The following SOX11 variants were observed in gnomAD, a reference collection of about 807,000 sequenced individuals.
SOX11 encodes the protein transcription factor SOX-11.
A neutral mutation model predicts 16.7 loss-of-function variants in SOX11; 5 were observed. The ratio of observed to expected loss-of-function variants is 0.30; its 90% CI spans 0.16 to 0.63. The LOEUF (loss-of-function observed/expected upper bound fraction) is 0.63. SOX11 is among the 20% of genes least tolerant of loss of function. The pLI is 0.82. For synonymous variants in SOX11, 363 were observed against 298.8 expected (o/e 1.21, Z -2.22); for missense variants, 492 against 641.5 (o/e 0.77, Z 2.52).
Position 5,694,236 on chromosome 2 carries a change from G to T in SOX11, c.*189G>T. The T allele has an allele frequency of 1.3e-6, 1 of 754,236 alleles. No individual in the cohort carries two copies. Among genetic ancestry groups the T allele is most frequent in the Non-Finnish European group, 2.0e-6 (1 of 501,566 alleles). 46.7% of individuals were successfully genotyped at this position (754,236 alleles called of 1,614,324 possible). A position where few individuals can be genotyped will look rare whatever the true frequency, so the allele number is the denominator to read the frequency against. On this transcript the variant is annotated 3_prime_UTR_variant, in exon 1 of 1. Coordinates refer to ENST00000322002, the MANE Select transcript of SOX11 (RefSeq NM_003108.4). ...TAAGATGTCGTGACGCAAAGAAATT[G>T]GAAAACATGATGAAAATTTTGGTGG...
Position 5,699,094 on chromosome 2 carries a change from T to C in SOX11, c.*5047T>C, listed in dbSNP as rs1328693332. The C allele has an allele frequency of 7.8e-5, 13 of 167,058 alleles. 1 individual carries two copies. In the Admixed American group the frequency reaches 8.5e-4, roughly 11 times the overall value. 10.3% of individuals were successfully genotyped at this position (167,058 alleles called of 1,614,324 possible). A position where few individuals can be genotyped will look rare whatever the true frequency, so the allele number is the denominator to read the frequency against. On this transcript the variant is annotated 3_prime_UTR_variant, in exon 1 of 1. Coordinates refer to ENST00000322002, the MANE Select transcript of SOX11 (RefSeq NM_003108.4). Reference sequence around the variant, plus strand: ...TCCTTGTGGACACTTTGAGAGAGGTTTTCTTGGACTCTCCCATTTATAGAA... The same window carrying C: ...TCCTTGTGGACACTTTGAGAGAGGTCTTCTTGGACTCTCCCATTTATAGAA...
rs1330057524 is a variant in SOX11 at position 5,697,264 on chromosome 2, A to G, written c.*3217A>G. The G allele has an allele frequency of 1.5e-4, 25 of 167,036 alleles. No homozygotes were observed. 10.3% of individuals were successfully genotyped at this position (167,036 alleles called of 1,614,324 possible). A position where few individuals can be genotyped will look rare whatever the true frequency, so the allele number is the denominator to read the frequency against. ...GCTGATTGAAACTCACTGCAAAATC[A>G]CCACGACTCTTTCACCTACTGAGAT... On this transcript the variant is annotated 3_prime_UTR_variant, in exon 1 of 1. Coordinates refer to ENST00000322002, the MANE Select transcript of SOX11 (RefSeq NM_003108.4).
rs977939314 is a variant in SOX11, at chr2:5,693,879, G to A, written c.1158G>A (p.Ala386=). 2.6e-5 allele frequency: 40 copies of A among 1,551,372 alleles called. No homozygotes were observed. The highest frequency in any genetic ancestry group is 2.0e-4 in the Admixed American group (10 of 50,996). The change falls in exon 1 of 1, where the codon GCG becomes GCA. Residue 386 remains alanine, a synonymous_variant. Transcript: ENST00000322002. This position sits in a 1 kb window ranked among gnomAD's most constrained non-coding sequence, Gnocchi z 8.6. ...ASEQQLGGGA[A]AGNLSLSLVD... ...AGCAGCAGCTGGGGGGCGGCGCGGC[G>A]GCCGGGAACCTGTCCCTGTCGCTGG... is the stretch of plus-strand genomic sequence containing the variant.
chr2:5,697,043 C>G lies in SOX11; in HGVS notation c.*2996C>G, dbSNP rs375004348. On this transcript the variant is annotated 3_prime_UTR_variant, in exon 1 of 1. Transcript: ENST00000322002. ...CCTGACCGGCCTGTGTCCCCGAGCC[C>G]TCGCGGCAGGCCCGAGCAGGCGATC... 4.9e-3 allele frequency: 767 copies of G among 157,282 alleles called. 8 individuals carry two copies. The highest frequency in any genetic ancestry group is 0.04 in the South Asian group (190 of 4,810). The allele number at this position is 157,282 out of a possible 1,614,324, so 9.7% of individuals were successfully genotyped here.
At position 5,694,381 on chromosome 2, in the gene SOX11, C is replaced by CAA. The variant is rs151136508; in HGVS notation, c.*339_*340dup. On this transcript the variant is annotated 3_prime_UTR_variant, in exon 1 of 1. Coordinates refer to ENST00000322002, the MANE Select transcript of SOX11 (RefSeq NM_003108.4). ...TAGTCTGGAGTTGTGATTATTTTCC[C>CAA]AAAAAATGTGTTTTTGTAATTACTA... The CAA allele has an allele frequency of 5.2e-5, 10 of 193,318 alleles. No homozygotes were observed. In the East Asian group the frequency reaches 9.2e-4, roughly 18 times the overall value. 12.0% of individuals were successfully genotyped at this position (193,318 alleles called of 1,614,324 possible).
Position 5,693,724 on chromosome 2 carries a change from T to C in SOX11, c.1003T>C (p.Ser335Pro). The C allele has an allele frequency of 6.3e-7, 1 of 1,597,192 alleles. No individual in the cohort carries two copies. Among genetic ancestry groups the C allele is most frequent in the Non-Finnish European group, 8.5e-7 (1 of 1,175,684 alleles). ...CGCGCAGCCCGCGCTGTCGCCCGCG[T>C]CCTCGCGCTCGGTGTCCACCTCCTC... ...PLAQPALSPA[S>P]SRSVSTSSSS... Residue 335 changes from serine (S) to proline (P), a missense_variant, in exon 1 of 1, where the codon TCC (serine) becomes CCC (proline). Transcript: ENST00000322002. This position sits in a 1 kb window ranked among gnomAD's most constrained non-coding sequence, Gnocchi z 8.6.
At position 5,695,609 on chromosome 2, in the gene SOX11, A is replaced by G. The variant is rs1170723576; in HGVS notation, c.*1562A>G. Reference sequence around the variant, plus strand: ...TGTGCTGGAAGTCTGTATCTTGACAATTTTAATAAATCAGCTGGAACTGAT... The same window carrying G: ...TGTGCTGGAAGTCTGTATCTTGACAGTTTTAATAAATCAGCTGGAACTGAT... On this transcript the variant is annotated 3_prime_UTR_variant, in exon 1 of 1. Coordinates refer to ENST00000322002, the MANE Select transcript of SOX11 (RefSeq NM_003108.4). 6.7e-6 allele frequency: 1 copy of G among 150,330 alleles called. No homozygotes were observed. Among genetic ancestry groups the G allele is most frequent in the African/African-American group, 2.8e-5 (1 of 35,540 alleles). The allele number at this position is 150,330 out of a possible 1,614,324, so 9.3% of individuals were successfully genotyped here.
chr2:5,698,400 T>G lies in SOX11; in HGVS notation c.*4353T>G, dbSNP rs1268659616. The G allele has an allele frequency of 6.0e-6, 1 of 167,116 alleles. No individual in the cohort carries two copies. The highest frequency in any genetic ancestry group is 2.4e-5 in the African/African-American group (1 of 41,464). The allele number at this position is 167,116 out of a possible 1,614,324, so 10.4% of individuals were successfully genotyped here. A position where few individuals can be genotyped will look rare whatever the true frequency, so the allele number is the denominator to read the frequency against. On this transcript the variant is annotated 3_prime_UTR_variant, in exon 1 of 1. Coordinates refer to ENST00000322002, the MANE Select transcript of SOX11 (RefSeq NM_003108.4). ...TGCACGGCAGCCTAGCCAGTGGGGA[T>G]CCTGCTGTTTATTATAAGTAGTTCA...
chr2:5,692,750 C>T lies in SOX11; in HGVS notation c.29C>T (p.Ala10Val). 1 of 1,602,656 alleles carries T rather than the reference C, an allele frequency of 6.2e-7. No individual in the cohort carries two copies. The highest frequency in any genetic ancestry group is 8.5e-7 in the Non-Finnish European group (1 of 1,173,078). MVQQAESLEAESNLPREALD... is the reference protein window; with the variant it reads MVQQAESLEVESNLPREALD... Reference sequence around the variant, plus strand: ...GTGCAGCAGGCGGAGAGCTTGGAAGCGGAGAGCAACCTGCCCCGGGAGGCG... The same window carrying T: ...GTGCAGCAGGCGGAGAGCTTGGAAGTGGAGAGCAACCTGCCCCGGGAGGCG... The change falls in exon 1 of 1, where the codon GCG becomes GTG. Residue 10 changes from alanine to valine, a missense_variant. Physicochemically the swap from Ala to Val is moderately conservative, Grantham distance 64 (BLOSUM62 0). Transcript: ENST00000322002.
In SOX11 at chr2:5,692,989, C is replaced by A. The variant is rs770070167; in HGVS notation, c.268C>A (p.Leu90Met). ...SKRLGKRWKM[L>M]KDSEKIPFIR... Reference sequence around the variant, plus strand: ...GAGGCTGGGCAAGCGCTGGAAAATGCTGAAGGACAGCGAGAAGATCCCGTT... The same window carrying A: ...GAGGCTGGGCAAGCGCTGGAAAATGATGAAGGACAGCGAGAAGATCCCGTT... Residue 90 changes from leucine (L) to methionine (M), a missense_variant, in exon 1 of 1, where the codon CTG becomes ATG. Transcript: ENST00000322002. 6.2e-7 allele frequency: 1 copy of A among 1,614,130 alleles called. No individual in the cohort carries two copies.
rs1017699278 is a variant in SOX11 at position 5,692,765 on chromosome 2, C to A, written c.44C>A (p.Pro15His). The change falls in exon 1 of 1, where the codon CCC becomes CAC. Residue 15 changes from proline to histidine, a missense_variant. This residue lies in a region of SOX11 where 44 missense variants were observed against 48.5 expected (regional missense o/e 0.91). Transcript: ENST00000322002. ...AESLEAESNL[P>H]REALDTEEGE... The stretch of plus-strand genomic sequence containing the variant: ...AGCTTGGAAGCGGAGAGCAACCTGC[C>A]CCGGGAGGCGCTGGACACGGAGGAG... The A allele has an allele frequency of 2.5e-6, 4 of 1,609,586 alleles. No homozygotes were observed. Among genetic ancestry groups the A allele is most frequent in the Non-Finnish European group, 3.4e-6 (4 of 1,177,288 alleles).
In SOX11 at chr2:5,695,127, A is replaced by T. The variant is rs1448163960; in HGVS notation, c.*1080A>T. 2 of 166,546 alleles carry T rather than the reference A, an allele frequency of 1.2e-5. No homozygotes were observed. Among genetic ancestry groups the T allele is most frequent in the Non-Finnish European group, 2.9e-5 (2 of 68,034 alleles). 10.3% of individuals were successfully genotyped at this position (166,546 alleles called of 1,614,324 possible). On this transcript the variant is annotated 3_prime_UTR_variant, in exon 1 of 1. Transcript: ENST00000322002. ...TTCCTCTGTTTTTTAGCATGCAAGT[A>T]TGTTGGTACGTTATGTCCTGGTTTA... is the stretch of plus-strand genomic sequence containing the variant.
At position 5,699,709 on chromosome 2, in the gene SOX11, C is replaced by CTT. The variant is rs60344356; in HGVS notation, c.*5679_*5680dup. ...TCTCTTCCATTTTACTTACTGCTGG[C>CTT]TTTTTTTTTTTTTTTTTTCCTTGAT... On this transcript the variant is annotated 3_prime_UTR_variant, in exon 1 of 1. Transcript: ENST00000322002. 34 of 141,750 alleles carry CTT rather than the reference C, an allele frequency of 2.4e-4. No individual in the cohort carries two copies. The highest frequency in any genetic ancestry group is 2.4e-4 in the South Asian group (1 of 4,142). The allele number at this position is 141,750 out of a possible 1,614,324, so 8.8% of individuals were successfully genotyped here.
In SOX11 at chr2:5,694,125, G is replaced by T. The variant is rs1046804445; in HGVS notation, c.*78G>T. The T allele has an allele frequency of 6.8e-6, 10 of 1,464,762 alleles. No individual in the cohort carries two copies. The highest frequency in any genetic ancestry group is 8.2e-6 in the Non-Finnish European group (9 of 1,103,594). 90.7% of individuals were successfully genotyped at this position (1,464,762 alleles called of 1,614,324 possible). A position where few individuals can be genotyped will look rare whatever the true frequency, so the allele number is the denominator to read the frequency against. ...GGGAGGAAGTTGTAGTGGTGATGAT[G>T]ATGATGATAATGATGATGATGATGG... On this transcript the variant is annotated 3_prime_UTR_variant, in exon 1 of 1. Coordinates refer to ENST00000322002, the MANE Select transcript of SOX11 (RefSeq NM_003108.4).
Position 5,692,620 on chromosome 2 carries a change from A to G in SOX11, c.-102A>G. On this transcript the variant is annotated 5_prime_UTR_variant, in exon 1 of 1. Transcript: ENST00000322002. ...GAGCCGCGAAAGCGGGGTGCCGAGG[A>G]CTTTGCAACTTGCCCAGGAAGGTGG... 1.3e-6 allele frequency: 1 copy of G among 789,108 alleles called. No homozygotes were observed. Among genetic ancestry groups the G allele is most frequent in the Non-Finnish European group, 1.9e-6 (1 of 535,696 alleles). The allele number at this position is 789,108 out of a possible 1,614,324, so 48.9% of individuals were successfully genotyped here.
rs964577502 is a variant in SOX11, at chr2:5,698,983, ATATAT to A, written c.*4942_*4946del. The A allele has an allele frequency of 3.6e-5, 6 of 167,018 alleles. No individual in the cohort carries two copies. The highest frequency in any genetic ancestry group is 9.6e-5 in the African/African-American group (4 of 41,460). 10.3% of individuals were successfully genotyped at this position (167,018 alleles called of 1,614,324 possible). On this transcript the variant is annotated 3_prime_UTR_variant, in exon 1 of 1. Transcript: ENST00000322002. ...ATTTTAAAGTAGTCATTCAATATAA[ATATAT>A]TATATCAATCTTAACTTTTTTATTC...
chr2:5,693,687 C>A lies in SOX11; in HGVS notation c.966C>A (p.His322Gln), dbSNP rs1665679190. The change falls in exon 1 of 1, where the codon CAC (histidine) becomes CAA (glutamine). Residue 322 changes from histidine to glutamine, a missense_variant. Physicochemically the swap from His to Gln is conservative, Grantham distance 24. This residue lies in a region of SOX11 where 389 missense variants were observed against 389.0 expected (regional missense o/e 1.00). Transcript: ENST00000322002. This position sits in a 1 kb window ranked among gnomAD's most constrained non-coding sequence, Gnocchi z 8.6. Reference protein sequence around the residue: ...YYSFKNITKQHPPPLAQPALS... With the variant: ...YYSFKNITKQQPPPLAQPALS... ...GCTTCAAGAACATCACCAAGCAGCA[C>A]CCGCCGCCGCTCGCGCAGCCCGCGC... 1.0e-5 allele frequency: 16 copies of A among 1,599,232 alleles called. No individual in the cohort carries two copies. In the East Asian group the frequency reaches 3.6e-4, roughly 36 times the overall value.
Position 5,693,597 on chromosome 2 carries a change from C to T in SOX11, c.876C>T (p.Ser292=). 7 of 1,564,330 alleles carry T rather than the reference C, an allele frequency of 4.5e-6. No homozygotes were observed. The highest frequency in any genetic ancestry group is 6.0e-6 in the Non-Finnish European group (7 of 1,162,582). ...CGGCGGAGTCCCCCGAGGGAGCGAGCCTCTACGACGAGGTGCGGGCCGGCG... is the reference window on the plus strand; with the variant it reads ...CGGCGGAGTCCCCCGAGGGAGCGAGTCTCTACGACGAGGTGCGGGCCGGCG... ...SSSAESPEGA[S]LYDEVRAGAT... is the part of the protein sequence containing the mutation. The change falls in exon 1 of 1, where the codon AGC becomes AGT. Residue 292 remains serine (S), a synonymous_variant. Coordinates refer to ENST00000322002, the MANE Select transcript of SOX11 (RefSeq NM_003108.4). This position sits in a 1 kb window ranked among gnomAD's most constrained non-coding sequence, Gnocchi z 8.6.
Position 5,693,252 on chromosome 2 carries a change from C to T in SOX11, c.531C>T (p.Gly177=), listed in dbSNP as rs373041001. 2 of 1,376,348 alleles carry T rather than the reference C, an allele frequency of 1.5e-6. No individual in the cohort carries two copies. Among genetic ancestry groups the T allele is most frequent in the South Asian group, 3.5e-5 (2 of 56,682 alleles). The allele number at this position is 1,376,348 out of a possible 1,614,324, so 85.3% of individuals were successfully genotyped here. ...CGKLKAPAAA[G]AKAGAGKAAQ... ...AGCTCAAGGCCCCCGCGGCCGCGGGCGCCAAGGCGGGCGCGGGCAAGGCGG... is the reference window on the plus strand; with the variant it reads ...AGCTCAAGGCCCCCGCGGCCGCGGGTGCCAAGGCGGGCGCGGGCAAGGCGG... Residue 177 remains glycine, a synonymous_variant, in exon 1 of 1, where the codon GGC becomes GGT. Coordinates refer to ENST00000322002, the MANE Select transcript of SOX11 (RefSeq NM_003108.4). The surrounding 1 kb of genome is among the most constrained non-coding windows in gnomAD (Gnocchi z 8.6).
Sources: allele counts gnomAD v4.1 joint callset, GRCh38; gene constraint gnomAD v4.1.1; regional missense constraint gnomAD v4.1.1; non-coding constraint Gnocchi (gnomAD v3.1); transcripts MANE v1.5; gene names NCBI Gene and HGNC (gene_info 2026-07-23, HGNC 2026-07-21).